The following PKIB variants were observed in gnomAD, a reference collection of about 807,000 sequenced individuals.
The protein encoded by PKIB is cAMP-dependent protein kinase inhibitor beta.
In PKIB, 2 loss-of-function variants were observed where a neutral mutation model predicts 4.5. The observed-to-expected ratio is 0.44, with a 90% confidence interval of 0.18 to 1.39. The LOEUF (loss-of-function observed/expected upper bound fraction) is 1.39, where lower values mean the gene tolerates loss of function less well. Ranked by LOEUF, PKIB falls within the 40% of genes most tolerant of loss-of-function variation. The probability of loss-of-function intolerance (pLI) is 0.27; values close to 1 mark genes in which losing one functional copy is unlikely to be tolerated. For missense variants in PKIB, 94 were observed against 92.6 expected (o/e 1.02, Z -0.06); for synonymous variants, 38 against 36.0 (o/e 1.06, Z -0.20).
At chr6:122,655,173 C>A (rs181018497) in intron 2 of PKIB, among the ~76,000 whole-genome samples, 1 of 152,194 alleles carries the variant, frequency 6.6e-6, no homozygotes, top group Admixed American at 6.5e-5. Context: ...GTCTGCTTAT[C>A]ATTATAAAAA....
At chr6:122,626,598 C>T (rs925904041) in intron 1 of PKIB, among the ~76,000 whole-genome samples, 2 of 152,268 alleles carry the variant, frequency 1.3e-5, no homozygotes, top group Admixed American at 1.3e-4. Flanking sequence ...CCACAGCCTT[C>T]CAGGAAGAGC....
intron 2 of PKIB, among the ~76,000 whole-genome samples, chr6:122,638,797 A>G (rs776182558): frequency 1.9e-4 from 29 of 152,206 alleles, no homozygotes; most frequent in Admixed American, 7.2e-4. Flanking sequence ...AGCCATCATC[A>G]TTGTCCTTCC....
intron 2 of PKIB, among the ~76,000 whole-genome samples, chr6:122,499,751 G>T (rs956434021): frequency 3.9e-5 from 6 of 152,072 alleles, no homozygotes; most frequent in African/African-American, 1.4e-4. Context: ...ATCCAAATAG[G>T]AAAAGAAGAA....
At chr6:122,528,200 A>G (rs1175838790) in intron 2 of PKIB, among the ~76,000 whole-genome samples, 1 of 152,196 alleles carries the variant, frequency 6.6e-6, no homozygotes, top group Non-Finnish European at 1.5e-5. Flanking sequence ...GCACTAGTAT[A>G]GCCACTCCTG....
chr6:122,658,278 CTAAAT>C (rs934602194), intron 2 of PKIB, among the ~76,000 whole-genome samples: 9 of 152,130 alleles, frequency 5.9e-5, no homozygotes, highest in African/African-American at 2.2e-4. Context: ...CACATGACCA[CTAAAT>C]TAGTTACTGT....
At chr6:122,550,001 G>A (rs1772627692) in intron 2 of PKIB, among the ~76,000 whole-genome samples, 1 of 151,664 alleles carries the variant, frequency 6.6e-6, no homozygotes, top group South Asian at 2.1e-4. Context: ...TGCAACCTCT[G>A]CCTCCTGGGT....
At chr6:122,507,047 G>A (rs906920947) in intron 2 of PKIB, among the ~76,000 whole-genome samples, 1 of 152,052 alleles carries the variant, frequency 6.6e-6, no homozygotes, top group Non-Finnish European at 1.5e-5. Context: ...CCATTGTTGA[G>A]GCTGTTAATC....
At chr6:122,640,524 CAA>C (rs1185898654) in intron 2 of PKIB, among the ~76,000 whole-genome samples, 5 of 152,146 alleles carry the variant, frequency 3.3e-5, no homozygotes, top group African/African-American at 1.2e-4. Context: ...GTGACATGTT[CAA>C]AGAGAGCCTG....
chr6:122,603,177 A>C lies in PKIB; in HGVS notation c.-161+17170A>C, dbSNP rs79334838. On this transcript the variant is annotated intron_variant, in intron 3 of 6. Transcript: ENST00000392491. Reference sequence around the variant, plus strand: ...AAGACCTAATTCATTTTATAAGACAACTTAACATTCATTATATTTATCTAT... The same window carrying C: ...AAGACCTAATTCATTTTATAAGACACCTTAACATTCATTATATTTATCTAT... 3.6e-3 allele frequency among the ~76,000 whole-genome samples: 543 copies of C among 152,232 alleles called. 1 individual carries two copies. Among genetic ancestry groups the C allele is most frequent in the African/African-American group, 0.012 (516 of 41,536 alleles).
intron 2 of PKIB, among the ~76,000 whole-genome samples, chr6:122,669,995 G>A (rs1331307856): frequency 6.6e-6 from 1 of 151,560 alleles, no homozygotes; most frequent in African/African-American, 2.4e-5. Context: ...CTGGTATAGT[G>A]GCTTAACCAG....
chr6:122,483,369 CAG>C (rs576732160), intron 2 of PKIB: 4 of 152,144 alleles, frequency 2.6e-5, no homozygotes, highest in South Asian at 2.1e-4. Context: ...CTACTGAAAA[CAG>C]AAATAATTTT....
chr6:122,715,448 T>G (rs201280552), intron 3 of PKIB, among the ~76,000 whole-genome samples: 192 of 152,010 alleles, frequency 1.3e-3, no homozygotes, highest in African/African-American at 4.4e-3. Flanking sequence ...AAATGGGGTC[T>G]ACTTCCAAAC....
At chr6:122,636,016 A>G (rs1582761539) in intron 2 of PKIB, among the ~76,000 whole-genome samples, 1 of 152,150 alleles carries the variant, frequency 6.6e-6, no homozygotes, top group African/African-American at 2.4e-5. Flanking sequence ...TTTCTTATAT[A>G]TGCTAGGAAC....
At chr6:122,661,938 T>C (rs1455612418) in intron 2 of PKIB, among the ~76,000 whole-genome samples, 4 of 152,196 alleles carry the variant, frequency 2.6e-5, no homozygotes, top group African/African-American at 9.7e-5. Context: ...AGTTCCCTAA[T>C]AGGGGATAAT....
At chr6:122,510,620 G>T (rs1776555872) in intron 2 of PKIB, among the ~76,000 whole-genome samples, 1 of 152,216 alleles carries the variant, frequency 6.6e-6, no homozygotes, top group African/African-American at 2.4e-5. Context: ...TTGCAAGTCA[G>T]TCAGCATGTG....
intron 2 of PKIB, chr6:122,481,368 A>G (rs910191969): frequency 3.3e-5 from 5 of 152,360 alleles, no homozygotes; most frequent in Non-Finnish European, 7.3e-5. Context: ...AGGAAACCAG[A>G]GACTTGACAA....
intron 2 of PKIB, among the ~76,000 whole-genome samples, chr6:122,511,562 C>T (rs552299119): frequency 1.3e-5 from 2 of 152,224 alleles, no homozygotes; most frequent in East Asian, 3.9e-4. Flanking sequence ...GGGGCACCAC[C>T]CATAGGGTAC....
At chr6:122,520,661 T>TTTTTCC (rs1562237597) in intron 2 of PKIB, among the ~76,000 whole-genome samples, 1 of 55,548 alleles carries the variant, frequency 1.8e-5, no homozygotes, top group African/African-American at 6.0e-5. Context: ...AAGTTTATGT[T>TTTTTCC]CCCACCCCCC....
chr6:122,676,607 G>T (rs190981766), intron 3 of PKIB, among the ~76,000 whole-genome samples: 21 of 152,214 alleles, frequency 1.4e-4, no homozygotes, highest in East Asian at 9.7e-4. Context: ...ATGATTCCAG[G>T]ATATCACTGA....
Sources: allele counts gnomAD v4.1 joint callset (sites outside exome capture counted in the v4.1 genomes callset), GRCh38; gene constraint gnomAD v4.1.1; transcripts MANE v1.5; gene names NCBI Gene and HGNC (gene_info 2026-07-23, HGNC 2026-07-21).